The following ATP8B3 variants were observed in gnomAD, a reference collection of about 807,000 sequenced individuals.
The protein encoded by ATP8B3 is phospholipid-transporting ATPase IK.
A neutral mutation model predicts 140.9 loss-of-function variants in ATP8B3; 141 were observed. The observed-to-expected ratio is 1.00, with a 90% confidence interval of 0.87 to 1.15. ATP8B3 has a LOEUF of 1.15. ATP8B3 is among the 50% of genes most tolerant of loss of function. ATP8B3 has a pLI of 0.00. For synonymous variants in ATP8B3, 765 were observed against 714.6 expected (o/e 1.07, Z -1.13); for missense variants, 1,874 against 1,740.6 (o/e 1.08, Z -1.36).
rs550098212 is a variant in ATP8B3 at position 1,808,053 on chromosome 19, T to C, written c.516+169A>G. Among the ~76,000 whole-genome samples the C allele has an allele frequency of 2.0e-5, 3 of 152,354 alleles. No homozygotes were observed. The South Asian group carries it at 6.2e-4, about 32-fold the overall frequency. On this transcript the variant is annotated intron_variant, in intron 5 of 28. Transcript: ENST00000310127. Reference sequence around the variant, plus strand: ...ATCCATCCACCTTTGTCATTCAACATGTACTGAGCGCCTCTTGTGTGCCAG... The same window carrying C: ...ATCCATCCACCTTTGTCATTCAACACGTACTGAGCGCCTCTTGTGTGCCAG...
In ATP8B3 at chr19:1,805,872, T is replaced by C; in HGVS notation, c.821+16A>G. 1 of 1,612,528 alleles carries C rather than the reference T, an allele frequency of 6.2e-7. No individual in the cohort carries two copies. Among genetic ancestry groups the C allele is most frequent in the South Asian group, 1.1e-5 (1 of 91,072 alleles). ...CCCCACCCCCCAGGGTCCCCAGCGA[T>C]GCCACAGCTCCTCACCCGTCAATGT... is the stretch of plus-strand genomic sequence containing the variant. On this transcript the variant is annotated intron_variant, in intron 9 of 28. Coordinates refer to ENST00000310127, the MANE Select transcript of ATP8B3 (RefSeq NM_138813.4). The surrounding 1 kb of genome is among the most constrained non-coding windows in gnomAD (Gnocchi z 5.2).
In ATP8B3 at chr19:1,787,589, C is replaced by T. The variant is rs561093597; in HGVS notation, c.3070-403G>A. On this transcript the variant is annotated intron_variant, in intron 24 of 28. Coordinates refer to ENST00000310127, the MANE Select transcript of ATP8B3 (RefSeq NM_138813.4). ...ACTAAAAATATAAAAAGTAGCTGGG[C>T]GTGGTAGCAGGCGCCTGTAATCCCA... is the stretch of plus-strand genomic sequence containing the variant. 1.1e-3 allele frequency among the ~76,000 whole-genome samples: 160 copies of T among 151,936 alleles called. 1 individual carries two copies. Among genetic ancestry groups the T allele is most frequent in the African/African-American group, 3.8e-3 (157 of 41,448 alleles).
rs1032282083 is a variant in ATP8B3 at position 1,800,974 on chromosome 19, G to A, written c.1153-525C>T. Among the ~76,000 whole-genome samples, 15 of 150,898 alleles carry A rather than the reference G, an allele frequency of 9.9e-5. No homozygotes were observed. The highest frequency in any genetic ancestry group is 3.4e-3 in the Middle Eastern group (1 of 292). On this transcript the variant is annotated intron_variant, in intron 12 of 28. Coordinates refer to ENST00000310127, the MANE Select transcript of ATP8B3 (RefSeq NM_138813.4). The surrounding 1 kb of genome is among the most constrained non-coding windows in gnomAD (Gnocchi z 4.4). ...CTCCCGAGTAGCTGGGACTACAGGCGCCCGCCACCACGCCCGGCTAATTTT... is the reference window on the plus strand; with the variant it reads ...CTCCCGAGTAGCTGGGACTACAGGCACCCGCCACCACGCCCGGCTAATTTT...
At position 1,807,696 on chromosome 19, in the gene ATP8B3, C is replaced by T. The variant is rs926438791; in HGVS notation, c.517-430G>A. 2.0e-5 allele frequency among the ~76,000 whole-genome samples: 3 copies of T among 152,124 alleles called. No homozygotes were observed. Among genetic ancestry groups the T allele is most frequent in the South Asian group, 2.1e-4 (1 of 4,834 alleles). The stretch of plus-strand genomic sequence containing the variant: ...GGTACTCCATTAATGCTGAATGACT[C>T]GATGGATGAAAGGAGAACCTCTCCA... On this transcript the variant is annotated intron_variant, in intron 5 of 28. Coordinates refer to ENST00000310127, the MANE Select transcript of ATP8B3 (RefSeq NM_138813.4). The surrounding 1 kb of genome is among the most constrained non-coding windows in gnomAD (Gnocchi z 5.9).
rs200693758 is a variant in ATP8B3 at position 1,800,463 on chromosome 19, G to A, written c.1153-14C>T. The A allele has an allele frequency of 7.8e-4, 1,258 of 1,607,792 alleles. 3 individuals carry two copies. Among genetic ancestry groups the A allele is most frequent in the South Asian group, 4.4e-3 (403 of 91,016 alleles). Reference sequence around the variant, plus strand: ...GGAGATGAAGATCTGGAAGGCAGACGCGACAGGGTGGGTGAGGGGGGCGGG... The same window carrying A: ...GGAGATGAAGATCTGGAAGGCAGACACGACAGGGTGGGTGAGGGGGGCGGG... On this transcript the variant is annotated splice_polypyrimidine_tract_variant and intron_variant, in intron 12 of 28. Transcript: ENST00000310127. The surrounding 1 kb of genome is among the most constrained non-coding windows in gnomAD (Gnocchi z 4.4).
At chr19:1,792,471 T>C (rs1339444087) in intron 18 of ATP8B3, among the ~76,000 whole-genome samples, 1 of 151,368 alleles carries the variant, frequency 6.6e-6, no homozygotes, top group Non-Finnish European at 1.5e-5. Context: ...TCCCAGCTAC[T>C]TGAGAGGCTG....
At chr19:1,786,272 A>C (rs1040127742) in intron 25 of ATP8B3, among the ~76,000 whole-genome samples, 1 of 152,136 alleles carries the variant, frequency 6.6e-6, no homozygotes, top group Non-Finnish European at 1.5e-5. Context: ...CCACAGTTAA[A>C]GATACCAGCA....
intron 18 of ATP8B3, among the ~76,000 whole-genome samples, chr19:1,792,729 C>T (rs575648371): frequency 4.6e-5 from 7 of 151,976 alleles, no homozygotes; most frequent in South Asian, 2.1e-4. Context: ...TTAACCAATA[C>T]GGTGAAACCG....
Position 1,800,386 on chromosome 19 carries a change from C to A in ATP8B3, c.1216G>T (p.Glu406Ter), listed in dbSNP as rs777333038. ...AGGTAGTAGTGGTGGTCTTTGAATT[C>A]TTTGACTGAGAAACCGAAGCCGAAG... ...LAFGFGFSVKEFKDHHYYLSG... is the reference protein window; with the variant it reads ...LAFGFGFSVK Residue 406 changes from glutamate to a stop codon, truncating the protein, a stop_gained, in exon 13 of 29, where the codon GAA becomes TAA. Coordinates refer to ENST00000310127, the MANE Select transcript of ATP8B3 (RefSeq NM_138813.4). LOFTEE classifies it high-confidence loss of function. This position sits in a 1 kb window ranked among gnomAD's most constrained non-coding sequence, Gnocchi z 4.4. The A allele has an allele frequency of 2.1e-5, 34 of 1,611,244 alleles. No homozygotes were observed. The South Asian group carries it at 3.3e-4, about 16-fold the overall frequency.
At chr19:1,809,847 C>G (rs2069137705) in intron 3 of ATP8B3, 113 bp from the exon 4 acceptor site, 1 of 924,806 alleles carries the variant, frequency 1.1e-6, no homozygotes, top group Admixed American at 2.1e-5. Flanking sequence ...TGGGGAGGCC[C>G]GAGATGTCAG....
intron 27 of ATP8B3, 31 bp downstream of exon 27, chr19:1,785,128 C>T (rs1245120293): frequency 1.3e-6 from 2 of 1,516,338 alleles, no homozygotes; most frequent in Non-Finnish European, 1.8e-6. Context: ...TGCACCACGA[C>T]CGCCCGTCCC....
Position 1,801,998 on chromosome 19 carries a change from C to T in ATP8B3, c.1110G>A (p.Lys370=). ...IMKNCGKIHL[K]RTKLDLLMNK... ...TCATCAGGAGGTCCAGCTTGGTTCT[C>T]TTCAAATGGATCTTGCCACAGTTCT... is the stretch of plus-strand genomic sequence containing the variant. The change falls in exon 12 of 29, where the codon AAG becomes AAA. Residue 370 remains lysine (K), a synonymous_variant. Transcript: ENST00000310127. 6.2e-7 allele frequency: 1 copy of T among 1,612,678 alleles called. No homozygotes were observed. The highest frequency in any genetic ancestry group is 8.5e-7 in the Non-Finnish European group (1 of 1,179,740).
In ATP8B3 at chr19:1,791,824, T is replaced by C. The variant is rs750836165; in HGVS notation, c.2228A>G (p.Asp743Gly). The change falls in exon 20 of 29, where the codon GAC becomes GGC. Residue 743 changes from aspartate to glycine, a missense_variant. Transcript: ENST00000310127. ...ACATTTGATGGTTTCAGGGACACCG[T>C]CCTGGAGTCTGTCCTCGATGGCTGT... is the stretch of plus-strand genomic sequence containing the variant. ...GATAIEDRLQ[D>G]GVPETIKCLK... is the part of the protein sequence containing the mutation. 2.5e-6 allele frequency: 4 copies of C among 1,611,686 alleles called. 1 individual carries two copies. The Admixed American group carries it at 6.7e-5, about 27-fold the overall frequency.
rs534685693 is a variant in ATP8B3 at position 1,810,954 on chromosome 19, C to T, written c.249-271G>A. Among the ~76,000 whole-genome samples, 43 of 152,328 alleles carry T rather than the reference C, an allele frequency of 2.8e-4. No homozygotes were observed. In the South Asian group the frequency reaches 3.7e-3, roughly 13 times the overall value. On this transcript the variant is annotated intron_variant, in intron 2 of 28. Transcript: ENST00000310127. Reference sequence around the variant, plus strand: ...CCCGCCAGCCACCCTGGTCGCCTCCCGCCAGTACAGCCTAGAAGGACTCTA... The same window carrying T: ...CCCGCCAGCCACCCTGGTCGCCTCCTGCCAGTACAGCCTAGAAGGACTCTA...
chr19:1,800,355 C>T lies in ATP8B3; in HGVS notation c.1247G>A (p.Gly416Glu). Residue 416 changes from glycine to glutamate, a missense_variant, in exon 13 of 29, where the codon GGG becomes GAG. Gly to Glu is a moderately conservative substitution (Grantham distance 98, BLOSUM62 -2). Coordinates refer to ENST00000310127, the MANE Select transcript of ATP8B3 (RefSeq NM_138813.4). The surrounding 1 kb of genome is among the most constrained non-coding windows in gnomAD (Gnocchi z 4.4). ...TGCGGCCACGCTGCTCCCATGCACC[C>T]CCGAGAGGTAGTAGTGGTGGTCTTT... ...EFKDHHYYLSGVHGSSVAAES... is the reference protein window; with the variant it reads ...EFKDHHYYLSEVHGSSVAAES... 6.2e-7 allele frequency: 1 copy of T among 1,612,658 alleles called. No individual in the cohort carries two copies. Among genetic ancestry groups the T allele is most frequent in the Middle Eastern group, 1.6e-4 (1 of 6,062 alleles).
In ATP8B3 at chr19:1,789,704, C is replaced by T. The variant is rs377533696; in HGVS notation, c.2502G>A (p.Arg834=). 5.9e-5 allele frequency: 94 copies of T among 1,581,634 alleles called. No homozygotes were observed. The highest frequency in any genetic ancestry group is 2.9e-4 in the Admixed American group (17 of 57,766). ...DFLDKLLVSL[R]KEPRALAQNV... is the part of the protein sequence containing the mutation. ...TCTGCGCCAGGGCGCGCGGCTCCTT[C>T]CGCAGGGACACCAGCAGTTTGTCCT... The change falls in exon 23 of 29, where the codon CGG becomes CGA. Residue 834 remains arginine, a synonymous_variant. Coordinates refer to ENST00000310127, the MANE Select transcript of ATP8B3 (RefSeq NM_138813.4).
chr19:1,796,881 T>C lies in ATP8B3; in HGVS notation c.1585-2A>G, dbSNP rs201492296. On this transcript the variant is annotated splice_acceptor_variant, in intron 15 of 28. Coordinates refer to ENST00000310127, the MANE Select transcript of ATP8B3 (RefSeq NM_138813.4). LOFTEE classifies it high-confidence loss of function. ...CTTGTTCCAGAGGTAGGGGTTCTCC[T>C]GGGGGTGGCGGGGGCACGGGCCGGC... 2.5e-3 allele frequency: 3,988 copies of C among 1,581,600 alleles called. 8 individuals are homozygous for C. The highest frequency in any genetic ancestry group is 3.2e-3 in the Non-Finnish European group (3,745 of 1,155,032).
chr19:1,810,217 T>C (rs2069148095), intron 3 of ATP8B3, among the ~76,000 whole-genome samples: 1 of 152,264 alleles, frequency 6.6e-6, no homozygotes, highest in Admixed American at 6.5e-5. Flanking sequence ...AGGCCTGACG[T>C]GCAGGTCTGG....
In ATP8B3 at chr19:1,789,616, T is replaced by G. The variant is rs1347780476; in HGVS notation, c.2590A>C (p.Arg864=). 6 of 1,592,722 alleles carry G rather than the reference T, an allele frequency of 3.8e-6. No homozygotes were observed. Among genetic ancestry groups the G allele is most frequent in the Non-Finnish European group, 5.1e-6 (6 of 1,173,660 alleles). ...GQSRRDFLYA[R]RLSLLCRRFG... ...CTCCGGCACAGCAGGGACAGGCGCC[T>G]GGCGTAGAGGAAATCCCTCCTGGAC... The change falls in exon 23 of 29, where the codon AGG becomes CGG. Residue 864 remains arginine (R), a synonymous_variant. Transcript: ENST00000310127.
Sources: gnomAD v4.1 joint callset for allele counts (sites outside exome capture counted in the v4.1 genomes callset) on GRCh38, gnomAD v4.1.1 for gene constraint, Gnocchi (gnomAD v3.1) non-coding constraint, MANE v1.5 for transcripts, NCBI Gene and HGNC (gene_info 2026-07-23, HGNC 2026-07-21) for gene names.